THAP3: variants seen among roughly 807,000 people sequenced by gnomAD.
The protein encoded by THAP3 is THAP domain-containing protein 3.
Under a neutral mutation model 17.7 loss-of-function variants are expected in THAP3, and 12 were observed. The observed-to-expected ratio is 0.68, with a 90% CI of 0.43 to 1.10. THAP3 has a LOEUF of 1.10. Ranked by LOEUF, THAP3 falls within the 50% of genes least tolerant of loss-of-function variation. The probability of loss-of-function intolerance (pLI) is 0.00; values close to 1 mark genes in which losing one functional copy is unlikely to be tolerated. For synonymous variants in THAP3, 133 were observed against 126.9 expected (o/e 1.05, Z -0.32); for missense variants, 289 against 318.0 (o/e 0.91, Z 0.69).
chr1:6,626,240 C>T (rs1641467316), intron 2 of THAP3, among the ~76,000 whole-genome samples: 1 of 152,096 alleles, frequency 6.6e-6, no homozygotes, highest in Non-Finnish European at 1.5e-5. Context: ...AACCCAGCTT[C>T]GAGGCTGCAG....
downstream of THAP3, chr1:6,634,202 C>A: frequency 9.5e-7 from 1 of 1,049,792 alleles, no homozygotes; most frequent in Non-Finnish European, 1.4e-6. Flanking sequence ...TGGTGAGTGC[C>A]TTCTGTACAG....
chr1:6,633,258 A>C lies in THAP3; in HGVS notation c.*181A>C, dbSNP rs1570252286. On this transcript the variant is annotated 3_prime_UTR_variant, in exon 6 of 6. Coordinates refer to ENST00000054650, the MANE Select transcript of THAP3 (RefSeq NM_001195753.2). Reference sequence around the variant, plus strand: ...CGAGAGCCCCAATGCCGTCTGGGGGACGTTTAGAGGCGTGGCACTAGGAGT... The same window carrying C: ...CGAGAGCCCCAATGCCGTCTGGGGGCCGTTTAGAGGCGTGGCACTAGGAGT... 9 of 1,437,758 alleles carry C rather than the reference A, an allele frequency of 6.3e-6. No individual in the cohort carries two copies. Among genetic ancestry groups the C allele is most frequent in the Non-Finnish European group, 8.2e-6 (9 of 1,102,922 alleles). The allele number at this position is 1,437,758 out of a possible 1,614,324, so 89.1% of individuals were successfully genotyped here.
At position 6,628,589 on chromosome 1, in the gene THAP3, C is replaced by T; in HGVS notation, c.165C>T (p.Cys55=). 1 of 1,613,878 alleles carries T rather than the reference C, an allele frequency of 6.2e-7. No individual in the cohort carries two copies. Residue 55 remains cysteine, a synonymous_variant, in exon 3 of 6, where the codon TGC becomes TGT. Coordinates refer to ENST00000054650, the MANE Select transcript of THAP3 (RefSeq NM_001195753.2). ...AGCCCAAGCAGCACACGGTCATCTG[C>T]TCCGAGCACTTCCGGCCAGAGTGCT... The part of the protein sequence containing the change: ...NFKPKQHTVI[C]SEHFRPECFS...
At chr1:6,634,631 C>T (rs747021640), downstream of THAP3, 107 of 1,366,334 alleles carry the variant, frequency 7.8e-5, 1 homozygote, top group Middle Eastern at 3.6e-3. Flanking sequence ...TTACTGCAGC[C>T]GAGGTCCAGG....
At chr1:6,628,287 T>C (rs1570242190) in intron 2 of THAP3, 1 of 517,192 alleles carries the variant, frequency 1.9e-6, no homozygotes, top group Non-Finnish European at 3.4e-6. Flanking sequence ...TTGGGCTCTC[T>C]GGCCATGCTC....
At chr1:6,629,946 GTGGC>G (rs1641563703) in intron 3 of THAP3, among the ~76,000 whole-genome samples, 1 of 152,202 alleles carries the variant, frequency 6.6e-6, no homozygotes, top group Non-Finnish European at 1.5e-5. Flanking sequence ...TTCTGGGTCA[GTGGC>G]ACCTCGAGTG....
chr1:6,630,875 C>A (rs1048813685), intron 4 of THAP3, among the ~76,000 whole-genome samples: 1 of 150,510 alleles, frequency 6.6e-6, no homozygotes, highest in Non-Finnish European at 1.5e-5. Flanking sequence ...CCTGGGCCCC[C>A]ACTTTTTTTT....
intron 2 of THAP3, 191 bp from the exon 3 acceptor site, chr1:6,628,308 G>A: frequency 1.8e-6 from 1 of 547,532 alleles, no homozygotes; most frequent in Non-Finnish European, 3.1e-6. Context: ...GTGGTCTCGG[G>A]TTTCCTATTA....
chr1:6,630,351 A>G lies in THAP3; in HGVS notation c.331A>G (p.Lys111Glu), dbSNP rs755146033. 2.7e-5 allele frequency: 44 copies of G among 1,613,972 alleles called. No homozygotes were observed. The Admixed American group carries it at 7.3e-4, about 27-fold the overall frequency. Residue 111 changes from lysine (K) to glutamate (E), a missense_variant and splice_region_variant, in exon 4 of 6, where the codon AAG (lysine) becomes GAG (glutamate). Transcript: ENST00000054650. ...AAATGCCAGCTCTTCTCAGAAAGAAAAGGTGAGTGCACCGGGCCAGGTACT... is the reference window on the plus strand; with the variant it reads ...AAATGCCAGCTCTTCTCAGAAAGAAGAGGTGAGTGCACCGGGCCAGGTACT... ...RGNASSSQKE[K>E]VLPEAGAGED...
chr1:6,634,804 G>T (rs775936079), downstream of THAP3: 4 of 1,286,216 alleles, frequency 3.1e-6, no homozygotes, highest in East Asian at 2.2e-4. Context: ...ACCACGGGCC[G>T]GGCCTGGGGT....
chr1:6,632,274 C>A (rs1641636888), intron 4 of THAP3, 117 bp from the exon 5 acceptor site: 2 of 1,407,086 alleles, frequency 1.4e-6, no homozygotes, highest in Admixed American at 4.2e-5. Context: ...TGTGGAGGGG[C>A]ACAGACCCTG....
In THAP3 at chr1:6,632,452, A is replaced by C. The variant is rs1464370844; in HGVS notation, c.395A>C (p.Glu132Ala). 5 of 1,614,168 alleles carry C rather than the reference A, an allele frequency of 3.1e-6. No individual in the cohort carries two copies. The highest frequency in any genetic ancestry group is 4.2e-6 in the Non-Finnish European group (5 of 1,180,020). ...SPGRNMDTALEELQLPPNAEG... is the reference protein window; with the variant it reads ...SPGRNMDTALAELQLPPNAEG... ...GGGAGAAACATGGACACTGCACTTGAAGAGCTTCAGTTGCCCCCAAATGCC... is the reference window on the plus strand; with the variant it reads ...GGGAGAAACATGGACACTGCACTTGCAGAGCTTCAGTTGCCCCCAAATGCC... The change falls in exon 5 of 6, where the codon GAA (glutamate) becomes GCA (alanine). Residue 132 changes from glutamate to alanine, a missense_variant. Physicochemically the swap from Glu to Ala is moderately radical, Grantham distance 107. Transcript: ENST00000054650.
chr1:6,627,688 C>G (rs116556071), intron 2 of THAP3: 1 of 152,290 alleles, frequency 6.6e-6, no homozygotes, highest in East Asian at 1.9e-4. Context: ...CTTCTGATCC[C>G]CTTAACCTGC....
chr1:6,628,808 A>G, intron 3 of THAP3, 117 bp downstream of exon 3: 1 of 1,029,814 alleles, frequency 9.7e-7, no homozygotes, highest in Non-Finnish European at 1.4e-6. Flanking sequence ...AACTCCAGTG[A>G]CAACAGCACT....
Position 6,633,274 on chromosome 1 carries a change from C to T in THAP3, c.*197C>T, listed in dbSNP as rs1641679442. 2.8e-6 allele frequency: 4 copies of T among 1,432,610 alleles called. No individual in the cohort carries two copies. The highest frequency in any genetic ancestry group is 5.7e-5 in the Admixed American group (2 of 34,834). The allele number at this position is 1,432,610 out of a possible 1,614,324, so 88.7% of individuals were successfully genotyped here. A position where few individuals can be genotyped will look rare whatever the true frequency, so the allele number is the denominator to read the frequency against. On this transcript the variant is annotated 3_prime_UTR_variant, in exon 6 of 6. Transcript: ENST00000054650. ...GTCTGGGGGACGTTTAGAGGCGTGG[C>T]ACTAGGAGTGCACATCTGTGAGCAT...
chr1:6,628,434 C>G (rs1641519283), intron 2 of THAP3, 65 bp from the exon 3 acceptor site: 1 of 1,401,818 alleles, frequency 7.1e-7, no homozygotes, highest in East Asian at 2.4e-5. Flanking sequence ...TGTGAAAATT[C>G]CGAATGACTC....
At chr1:6,626,119 G>A (rs1641464181) in intron 2 of THAP3, among the ~76,000 whole-genome samples, 1 of 151,646 alleles carries the variant, frequency 6.6e-6, no homozygotes, top group African/African-American at 2.4e-5. Context: ...ACCTGCCTGG[G>A]CAACAGAAGG....
downstream of THAP3, chr1:6,635,428 A>G (rs1641743591): frequency 1.4e-5 from 7 of 495,864 alleles, no homozygotes; most frequent in South Asian, 1.5e-4. Context: ...CCAGGAACTG[A>G]TCCTTGGGAA....
At chr1:6,634,482 G>A (rs1227000528), downstream of THAP3, 2 of 1,329,372 alleles carry the variant, frequency 1.5e-6, no homozygotes, top group Non-Finnish European at 1.0e-6. Flanking sequence ...AGCTGTGGGT[G>A]GGCTGGAGGC....
Sources: allele counts gnomAD v4.1 joint callset (sites outside exome capture counted in the v4.1 genomes callset), GRCh38; gene constraint gnomAD v4.1.1; transcripts MANE v1.5; gene names NCBI Gene and HGNC (gene_info 2026-07-23, HGNC 2026-07-21).